Variants in CPQ observed in about 807,000 individuals in gnomAD.
CPQ encodes Ser-Met dipeptidase.
In CPQ, 37 loss-of-function variants were observed where a neutral mutation model predicts 45.7. The observed-to-expected ratio is 0.81, with a 90% CI of 0.62 to 1.07. CPQ has a LOEUF of 1.07. CPQ is among the 50% of genes least tolerant of loss of function. CPQ has a pLI of 0.00. For synonymous variants in CPQ, 186 were observed against 205.8 expected, an observed-to-expected ratio of 0.90 and a Z score of 0.82; for missense variants, 537 against 572.9, an observed-to-expected ratio of 0.94 and a Z score of 0.64.
intron 3 of CPQ, among the ~76,000 whole-genome samples, chr8:96,859,948 A>G (rs1008170403): frequency 1.3e-5 from 2 of 152,192 alleles, no homozygotes; most frequent in Non-Finnish European, 2.9e-5. Flanking sequence ...TAATTTTAAT[A>G]GAGATTACCA....
intron 2 of CPQ, among the ~76,000 whole-genome samples, chr8:96,788,205 C>G (rs1204474668): frequency 6.7e-6 from 1 of 149,254 alleles, no homozygotes; most frequent in Non-Finnish European, 1.5e-5. Context: ...GTTGCCTAGG[C>G]TGGAGTGCAA....
rs192541620 is a variant in CPQ at position 96,726,458 on chromosome 8, T to A, written c.-34-58406T>A. 1.9e-3 allele frequency among the ~76,000 whole-genome samples: 287 copies of A among 152,246 alleles called. 5 individuals carry two copies. Among genetic ancestry groups the A allele is most frequent in the Admixed American group, 0.011 (169 of 15,294 alleles). Reference sequence around the variant, plus strand: ...CTCTACAGGAGGCATGATGCTAATATCTGCTTGGCTTCTGAGGAGGCCTCA... The same window carrying A: ...CTCTACAGGAGGCATGATGCTAATAACTGCTTGGCTTCTGAGGAGGCCTCA... On this transcript the variant is annotated intron_variant, in intron 1 of 7. Coordinates refer to ENST00000220763, the MANE Select transcript of CPQ (RefSeq NM_016134.4).
At chr8:96,896,911 A>G (rs962617947) in intron 4 of CPQ, among the ~76,000 whole-genome samples, 1 of 152,196 alleles carries the variant, frequency 6.6e-6, no homozygotes, top group Non-Finnish European at 1.5e-5. Context: ...GAAATTTAAG[A>G]TTGTTATGGG....
intron 1 of CPQ, among the ~76,000 whole-genome samples, chr8:96,664,291 G>C (rs767000750): frequency 6.6e-6 from 1 of 152,194 alleles, no homozygotes; most frequent in Non-Finnish European, 1.5e-5. Flanking sequence ...TGGGACAGGA[G>C]CTCAGAATGA....
At chr8:96,793,962 G>T (rs1810888232) in intron 2 of CPQ, among the ~76,000 whole-genome samples, 1 of 152,172 alleles carries the variant, frequency 6.6e-6, no homozygotes, top group South Asian at 2.1e-4. Flanking sequence ...GTCTTGGGCA[G>T]CTCCATCCTT....
intron 1 of CPQ, among the ~76,000 whole-genome samples, chr8:96,765,046 A>C (rs575849228): frequency 6.6e-6 from 1 of 152,328 alleles, no homozygotes; most frequent in South Asian, 2.1e-4. Context: ...AAGAAAGAAT[A>C]GTAACTAGAA....
At chr8:96,760,069 C>T (rs1264211975) in intron 1 of CPQ, among the ~76,000 whole-genome samples, 1 of 152,140 alleles carries the variant, frequency 6.6e-6, no homozygotes, top group Admixed American at 6.5e-5. Flanking sequence ...CACGTGGGTC[C>T]CTCATGGTTT....
intron 1 of CPQ, among the ~76,000 whole-genome samples, chr8:96,713,315 G>A (rs1478510673): frequency 6.6e-6 from 1 of 152,092 alleles, no homozygotes; most frequent in South Asian, 2.1e-4. Flanking sequence ...TTCCAAAGTC[G>A]CTTCCACATT....
chr8:97,004,871 T>A (rs566718266), intron 5 of CPQ, among the ~76,000 whole-genome samples: 16 of 152,232 alleles, frequency 1.1e-4, no homozygotes, highest in Middle Eastern at 3.4e-3. Flanking sequence ...TCAACAAAGA[T>A]TATCTCTTGT....
At chr8:96,769,627 T>A (rs1810514338) in intron 1 of CPQ, among the ~76,000 whole-genome samples, 1 of 88,362 alleles carries the variant, frequency 1.1e-5, no homozygotes, top group South Asian at 3.1e-4. Context: ...GTTTACTGGA[T>A]TTTTTTTTTT....
chr8:97,016,385 A>G (rs949057439), intron 5 of CPQ, among the ~76,000 whole-genome samples: 2 of 152,208 alleles, frequency 1.3e-5, no homozygotes, highest in African/African-American at 4.8e-5. Flanking sequence ...TCTTTTACCA[A>G]CTTTCTAAAC....
chr8:97,006,292 T>C (rs945208460), intron 5 of CPQ, among the ~76,000 whole-genome samples: 2 of 151,320 alleles, frequency 1.3e-5, no homozygotes, highest in African/African-American at 4.9e-5. Context: ...AGTTGAGTTG[T>C]TTTTTTTTAA....
chr8:96,853,824 G>A (rs925887230), intron 3 of CPQ, among the ~76,000 whole-genome samples: 1 of 152,146 alleles, frequency 6.6e-6, no homozygotes, highest in African/African-American at 2.4e-5. Flanking sequence ...AATTATGCAT[G>A]TCCTGGTATT....
At chr8:96,750,184 G>T (rs1350127221) in intron 1 of CPQ, among the ~76,000 whole-genome samples, 1 of 151,590 alleles carries the variant, frequency 6.6e-6, no homozygotes, top group East Asian at 1.9e-4. Flanking sequence ...TATGGAAGTT[G>T]TCAATGAGAG....
rs533783747 is a variant in CPQ at position 96,781,625 on chromosome 8, C to A, written c.-34-3239C>A. 2.2e-4 allele frequency among the ~76,000 whole-genome samples: 34 copies of A among 152,286 alleles called. 3 individuals carry two copies. In the South Asian group the frequency reaches 7.0e-3, roughly 32 times the overall value. On this transcript the variant is annotated intron_variant, in intron 1 of 7. Coordinates refer to ENST00000220763, the MANE Select transcript of CPQ (RefSeq NM_016134.4). ...CCTCCTGTCATGTTTTTCTTACATA[C>A]AAAACACATTTATTTCATCCCAATA...
chr8:96,888,019 G>T (rs1812326063), intron 4 of CPQ, among the ~76,000 whole-genome samples: 1 of 152,112 alleles, frequency 6.6e-6, no homozygotes, highest in African/African-American at 2.4e-5. Context: ...TCAGTGTGGG[G>T]CAGGATTTCT....
At chr8:96,834,563 T>G (rs1811501304) in intron 2 of CPQ, among the ~76,000 whole-genome samples, 1 of 152,204 alleles carries the variant, frequency 6.6e-6, no homozygotes, top group African/African-American at 2.4e-5. Context: ...TCAAAATAGT[T>G]ATATAAAAAG....
intron 4 of CPQ, among the ~76,000 whole-genome samples, chr8:96,941,153 A>C (rs1586460152): frequency 1.3e-5 from 2 of 152,076 alleles, no homozygotes; most frequent in East Asian, 3.9e-4. Context: ...GCTGGATGGA[A>C]TGTGGGTACT....
chr8:97,127,220 G>C (rs1030514038), intron 7 of CPQ, among the ~76,000 whole-genome samples: 2 of 151,988 alleles, frequency 1.3e-5, no homozygotes, highest in Non-Finnish European at 2.9e-5. Context: ...GAAAATGAAA[G>C]GCAAGCCACA....
Sources: allele counts gnomAD v4.1 joint callset (sites outside exome capture counted in the v4.1 genomes callset), GRCh38; gene constraint gnomAD v4.1.1; transcripts MANE v1.5; gene names NCBI Gene and HGNC (gene_info 2026-07-23, HGNC 2026-07-21).